Variants in IGF2BP3 observed in about 807,000 individuals in gnomAD.
IGF2BP3 encodes insulin-like growth factor 2 mRNA-binding protein 3.
In IGF2BP3, 9 loss-of-function variants were observed where a neutral mutation model predicts 73.8. The ratio of observed to expected loss-of-function variants is 0.12; its 90% CI spans 0.07 to 0.21. The LOEUF (loss-of-function observed/expected upper bound fraction) is 0.21. Among genes scored for constraint, IGF2BP3 ranks in the 10% least tolerant of loss-of-function variants. The probability of loss-of-function intolerance (pLI) is 1.00; values close to 1 mark genes in which losing one functional copy is unlikely to be tolerated. For synonymous variants in IGF2BP3, 258 were observed against 256.7 expected, an observed-to-expected ratio of 1.01 and a Z score of -0.05; for missense variants, 542 against 714.0, an observed-to-expected ratio of 0.76 and a Z score of 2.75.
intron 10 of IGF2BP3, among the ~76,000 whole-genome samples, chr7:23,327,278 A>ATT (rs11332587): frequency 2.2e-5 from 2 of 92,860 alleles, no homozygotes; most frequent in Admixed American, 1.2e-4. Flanking sequence ...CTAATTTCTA[A>ATT]TTTTTTTTTT....
intron 2 of IGF2BP3, among the ~76,000 whole-genome samples, chr7:23,442,600 G>T (rs1364102959): frequency 6.6e-6 from 1 of 152,064 alleles, no homozygotes; most frequent in Admixed American, 6.6e-5. Context: ...GTTTCGCCAT[G>T]TTGGTCAGGC....
rs1183130530 is a variant in IGF2BP3, at chr7:23,310,303, A to T, written c.*2059T>A. On this transcript the variant is annotated 3_prime_UTR_variant, in exon 15 of 15. Coordinates refer to ENST00000258729, the MANE Select transcript of IGF2BP3 (RefSeq NM_006547.3). ...ATTATACATGAGGAATGATCCATAT[A>T]TGGTGAGTACAAAACTCAATTATAG... The T allele has an allele frequency of 6.6e-6, 1 of 152,238 alleles. No homozygotes were observed. Among genetic ancestry groups the T allele is most frequent in the Non-Finnish European group, 1.5e-5 (1 of 68,042 alleles). The allele number at this position is 152,238 out of a possible 1,614,324, so 9.4% of individuals were successfully genotyped here.
At chr7:23,468,348 G>T in intron 2 of IGF2BP3, 134 bp downstream of exon 2, 1 of 878,628 alleles carries the variant, frequency 1.1e-6, no homozygotes, top group South Asian at 1.5e-5. Flanking sequence ...AAACTTAAAA[G>T]CAAGGATTAA....
intron 2 of IGF2BP3, among the ~76,000 whole-genome samples, chr7:23,449,080 A>AT (rs1365438480): frequency 6.7e-6 from 1 of 149,746 alleles, no homozygotes; most frequent in South Asian, 2.1e-4. Context: ...AGAATTTGAC[A>AT]TTTTTTCATT....
intron 2 of IGF2BP3, among the ~76,000 whole-genome samples, chr7:23,429,116 A>G (rs1303943919): frequency 6.6e-6 from 1 of 152,208 alleles, no homozygotes; most frequent in Admixed American, 6.5e-5. Flanking sequence ...TCTGGTCACT[A>G]GAGGCACTCA....
chr7:23,319,002 T>C lies in IGF2BP3; in HGVS notation c.1320+136A>G, dbSNP rs1410145036. 14 of 628,254 alleles carry C rather than the reference T, an allele frequency of 2.2e-5. No homozygotes were observed. The East Asian group carries it at 3.6e-4, about 16-fold the overall frequency. The allele number at this position is 628,254 out of a possible 1,614,324, so 38.9% of individuals were successfully genotyped here. A position where few individuals can be genotyped will look rare whatever the true frequency, so the allele number is the denominator to read the frequency against. On this transcript the variant is annotated intron_variant, in intron 11 of 14. Transcript: ENST00000258729. The stretch of plus-strand genomic sequence containing the variant: ...GCCTCCTTGGTGTAAGCCACTGTTG[T>C]TTGGGGGTTTCTTCATATCCTTATG...
intron 10 of IGF2BP3, among the ~76,000 whole-genome samples, chr7:23,334,022 T>C (rs76751669): frequency 0.021 from 3,234 of 152,278 alleles, 110 homozygotes; most frequent in African/African-American, 0.074. Context: ...CTGGTACACT[T>C]CATTCTTATA....
At chr7:23,398,112 T>C (rs1371487356) in intron 3 of IGF2BP3, among the ~76,000 whole-genome samples, 1 of 137,916 alleles carries the variant, frequency 7.3e-6, no homozygotes, top group African/African-American at 2.7e-5. Context: ...CCTTCCTGTG[T>C]CCATGTGTTC....
chr7:23,351,006 G>A (rs970491077), intron 6 of IGF2BP3, among the ~76,000 whole-genome samples: 7 of 152,172 alleles, frequency 4.6e-5, no homozygotes, highest in African/African-American at 1.7e-4. Flanking sequence ...GTGGGACAGA[G>A]GACAACCTGG....
chr7:23,426,808 A>C (rs1787523998), intron 2 of IGF2BP3, among the ~76,000 whole-genome samples: 1 of 152,166 alleles, frequency 6.6e-6, no homozygotes, highest in Non-Finnish European at 1.5e-5. Context: ...GTTGGCAGCT[A>C]CTAGTGATCA....
intron 2 of IGF2BP3, among the ~76,000 whole-genome samples, chr7:23,462,189 C>T (rs35133514): frequency 0.38 from 58,240 of 151,912 alleles, 12,010 homozygotes; most frequent in African/African-American, 0.52. Context: ...GAATAAATTG[C>T]TCTGAGCCAC....
At chr7:23,316,528 G>A (rs1220443091) in intron 12 of IGF2BP3, among the ~76,000 whole-genome samples, 1 of 151,732 alleles carries the variant, frequency 6.6e-6, no homozygotes, top group Non-Finnish European at 1.5e-5. Flanking sequence ...AAAATAAATT[G>A]GCTGGGCGTG....
chr7:23,353,424 T>C (rs1017794412), intron 5 of IGF2BP3, among the ~76,000 whole-genome samples: 5 of 152,186 alleles, frequency 3.3e-5, no homozygotes, highest in Non-Finnish European at 5.9e-5. Flanking sequence ...CAGTCTTCTA[T>C]CACTGTCCTA....
intron 10 of IGF2BP3, among the ~76,000 whole-genome samples, chr7:23,327,821 C>G (rs774102401): frequency 7.2e-5 from 11 of 152,116 alleles, no homozygotes; most frequent in Non-Finnish European, 1.3e-4. Flanking sequence ...AATGGTTCCA[C>G]CTTTTTCCTG....
chr7:23,397,663 G>A lies in IGF2BP3; in HGVS notation c.285+21113C>T, dbSNP rs7809505. ...GTATTCTGCATAGAAATCCCTCTAG[G>A]TACTGAAGAACTTTATCTTAATGTA... On this transcript the variant is annotated intron_variant, in intron 3 of 14. Transcript: ENST00000258729. 9.7e-4 allele frequency among the ~76,000 whole-genome samples: 148 copies of A among 152,196 alleles called. 1 individual carries two copies. Among genetic ancestry groups the A allele is most frequent in the African/African-American group, 3.1e-3 (128 of 41,520 alleles).
chr7:23,352,342 G>A lies in IGF2BP3; in HGVS notation c.402-756C>T, dbSNP rs181151788. On this transcript the variant is annotated intron_variant, in intron 5 of 14. Coordinates refer to ENST00000258729, the MANE Select transcript of IGF2BP3 (RefSeq NM_006547.3). The stretch of plus-strand genomic sequence containing the variant: ...CTTGCTCTGTTACCCAGGCTGGAGC[G>A]CAATAGAGCCATCTTGGCTCACTGC... 1.9e-3 allele frequency among the ~76,000 whole-genome samples: 251 copies of A among 132,272 alleles called. 3 individuals carry two copies. Among genetic ancestry groups the A allele is most frequent in the African/African-American group, 6.4e-3 (227 of 35,570 alleles). 86.8% of individuals were successfully genotyped at this position (132,272 alleles called of 152,430 possible).
chr7:23,346,207 G>A (rs757013328), intron 7 of IGF2BP3, 145 bp from the exon 8 acceptor site: 5 of 784,882 alleles, frequency 6.4e-6, no homozygotes, highest in Admixed American at 6.2e-5. Context: ...GCTGACAATT[G>A]GCCAGCATTC....
At chr7:23,313,420 T>C in intron 13 of IGF2BP3, 102 bp downstream of exon 13, 1 of 1,350,140 alleles carries the variant, frequency 7.4e-7, no homozygotes, top group African/African-American at 1.5e-5. Context: ...AAGATGGTCC[T>C]GCTTTTTATA....
intron 1 of IGF2BP3, among the ~76,000 whole-genome samples, chr7:23,468,778 T>C (rs1788631283): frequency 6.6e-6 from 1 of 152,086 alleles, no homozygotes; most frequent in Non-Finnish European, 1.5e-5. Context: ...TGGGTATCAG[T>C]CCAGTCTCCA....
Sources: gnomAD v4.1 joint callset for allele counts (sites outside exome capture counted in the v4.1 genomes callset) on GRCh38, gnomAD v4.1.1 for gene constraint, MANE v1.5 for transcripts, NCBI Gene and HGNC (gene_info 2026-07-23, HGNC 2026-07-21) for gene names.